ZNF875: variants seen among roughly 807,000 people sequenced by gnomAD.
ZNF875 encodes HKR1, GLI-Kruppel zinc finger family member.
ZNF875 carries 14 observed loss-of-function variants against 11.2 expected under a neutral mutation model. The ratio of observed to expected loss-of-function variants is 1.26; its 90% CI spans 0.83 to 1.96. The LOEUF (loss-of-function observed/expected upper bound fraction) is 1.96. Among genes scored for constraint, ZNF875 ranks in the 30% most tolerant of loss-of-function variants. The pLI is 0.00. For synonymous variants in ZNF875, 301 were observed against 281.1 expected (o/e 1.07, Z -0.71); for missense variants, 752 against 760.4 (o/e 0.99, Z 0.13).
At position 37,347,009 on chromosome 19, in the gene ZNF875, G is replaced by T. The variant is rs535405741; in HGVS notation, c.34-181G>T. The T allele has an allele frequency of 1.7e-4, 104 of 623,260 alleles. No homozygotes were observed. In the African/African-American group the frequency reaches 1.9e-3, roughly 11 times the overall value. The allele number at this position is 623,260 out of a possible 1,614,324, so 38.6% of individuals were successfully genotyped here. A position where few individuals can be genotyped will look rare whatever the true frequency, so the allele number is the denominator to read the frequency against. On this transcript the variant is annotated intron_variant, in intron 2 of 4. Coordinates refer to ENST00000392153, the MANE Select transcript of ZNF875 (RefSeq NM_001353803.2). ...ATTTTGTATTTTTAGTAGAGACGGG[G>T]TTTCTCCATATTGGTCAGGCTGATC...
chr19:37,332,774 C>G (rs2033600996), upstream of ZNF875, among the ~76,000 whole-genome samples: 1 of 152,030 alleles, frequency 6.6e-6, no homozygotes, highest in African/African-American at 2.4e-5. Flanking sequence ...GACATGTTCC[C>G]TTGATGGGCA....
chr19:37,328,021 C>T (rs1407287162), intron 4 of ZNF875, among the ~76,000 whole-genome samples: 3 of 152,126 alleles, frequency 2.0e-5, no homozygotes, highest in Non-Finnish European at 4.4e-5. Context: ...GCGGGCGGAT[C>T]ACCTGAGGTC....
intron 2 of ZNF875, among the ~76,000 whole-genome samples, chr19:37,343,194 G>A (rs138787519): frequency 0.025 from 3,740 of 151,852 alleles, 175 homozygotes; most frequent in African/African-American, 0.085. Context: ...AAAATTAGCC[G>A]GGTGTGGTGG....
intron 4 of ZNF875, chr19:37,325,070 GC>G (rs2032189562): frequency 6.6e-6 from 1 of 152,240 alleles, no homozygotes; most frequent in Non-Finnish European, 1.5e-5. Context: ...GAGCCACTGT[GC>G]CCGGCTGTTT....
At chr19:37,356,573 T>C (rs997921079) in intron 4 of ZNF875, among the ~76,000 whole-genome samples, 3 of 152,226 alleles carry the variant, frequency 2.0e-5, no homozygotes, top group African/African-American at 7.2e-5. Context: ...ATTTCTCTGA[T>C]GATTAGTGAT....
intron 2 of ZNF875, among the ~76,000 whole-genome samples, chr19:37,339,544 G>T (rs1353929859): frequency 3.5e-5 from 4 of 115,748 alleles, no homozygotes; most frequent in South Asian, 2.9e-4. Flanking sequence ...AACCCTGCCA[G>T]TTTTTTTTTT....
At chr19:37,320,034 C>T (rs957934314) in intron 1 of ZNF875, among the ~76,000 whole-genome samples, 5 of 152,246 alleles carry the variant, frequency 3.3e-5, no homozygotes, top group Admixed American at 1.3e-4. Context: ...ACTACAGGCA[C>T]CCGCCACCAC....
upstream of ZNF875, among the ~76,000 whole-genome samples, chr19:37,334,327 C>T (rs745510621): frequency 2.0e-5 from 3 of 152,220 alleles, no homozygotes; most frequent in South Asian, 2.1e-4. Context: ...GCTCAGCTCA[C>T]CCGCACCTTG....
chr19:37,339,609 G>A (rs2035270541), intron 2 of ZNF875, among the ~76,000 whole-genome samples: 1 of 135,042 alleles, frequency 7.4e-6, no homozygotes, highest in South Asian at 2.4e-4. Flanking sequence ...GCATCAGGCT[G>A]GGATGCAGTG....
chr19:37,354,611 C>T (rs1170623123), intron 4 of ZNF875, among the ~76,000 whole-genome samples: 1 of 152,036 alleles, frequency 6.6e-6, no homozygotes, highest in African/African-American at 2.4e-5. Flanking sequence ...ATATATGGTG[C>T]AGTGAGTTGT....
intron 4 of ZNF875, among the ~76,000 whole-genome samples, chr19:37,348,163 A>T (rs1259273999): frequency 6.6e-6 from 1 of 152,166 alleles, no homozygotes; most frequent in Non-Finnish European, 1.5e-5. Flanking sequence ...TAAAAATTGC[A>T]TCTACCCATG....
chr19:37,317,657 G>C (rs372668328), upstream of ZNF875, among the ~76,000 whole-genome samples: 26 of 152,378 alleles, frequency 1.7e-4, no homozygotes, highest in East Asian at 7.7e-4. Context: ...AGACGTTCCA[G>C]CGCTGAAATG....
chr19:37,335,647 C>T (rs1166429487), intron 2 of ZNF875, among the ~76,000 whole-genome samples: 1 of 152,128 alleles, frequency 6.6e-6, no homozygotes, highest in Non-Finnish European at 1.5e-5. Context: ...GTCAGTTGGC[C>T]GTTTGGTTCG....
At chr19:37,338,273 C>G (rs1260317356) in intron 2 of ZNF875, among the ~76,000 whole-genome samples, 1 of 152,296 alleles carries the variant, frequency 6.6e-6, no homozygotes, top group East Asian at 1.9e-4. Context: ...CAGGTGCATG[C>G]CACCACGCCC....
upstream of ZNF875, among the ~76,000 whole-genome samples, chr19:37,316,461 C>G (rs1568553842): frequency 3.3e-5 from 5 of 152,058 alleles, no homozygotes; most frequent in Admixed American, 3.3e-4. Context: ...CCTCCCCCTC[C>G]CGGGTTCAAA....
intron 4 of ZNF875, among the ~76,000 whole-genome samples, chr19:37,358,311 A>G (rs1446387675): frequency 6.7e-6 from 1 of 149,886 alleles, no homozygotes; most frequent in Non-Finnish European, 1.5e-5. Context: ...AAGCCTGGCT[A>G]TATTTTTGTA....
At chr19:37,314,029 T>TAAAATAAACCAAAA (rs1451209540), upstream of ZNF875, among the ~76,000 whole-genome samples, 3 of 152,138 alleles carry the variant, frequency 2.0e-5, no homozygotes, top group Non-Finnish European at 4.4e-5. Flanking sequence ...ATTTATTTAT[T>TAAAATAAACCAAAA]TATTTTGGTT....
upstream of ZNF875, chr19:37,315,322 A>G (rs954448520): frequency 2.6e-5 from 4 of 152,228 alleles, no homozygotes; most frequent in African/African-American, 9.6e-5. Context: ...AAACCTGTTC[A>G]AGCTAAAATC....
At chr19:37,327,888 G>A (rs760374695) in intron 4 of ZNF875, among the ~76,000 whole-genome samples, 2 of 152,128 alleles carry the variant, frequency 1.3e-5, no homozygotes, top group African/African-American at 4.8e-5. Context: ...TAGTGATTGT[G>A]TTCTTTCCTG....
Sources: gnomAD v4.1 joint callset for allele counts (sites outside exome capture counted in the v4.1 genomes callset) on GRCh38, gnomAD v4.1.1 for gene constraint, MANE v1.5 for transcripts, NCBI Gene and HGNC (gene_info 2026-07-23, HGNC 2026-07-21) for gene names.